FYN: variants seen among roughly 807,000 people sequenced by gnomAD.
FYN encodes the protein tyrosine-protein kinase Fyn.
Under a neutral mutation model 70.2 loss-of-function variants are expected in FYN, and 10 were observed. The observed-to-expected ratio is 0.14, with a 90% CI of 0.09 to 0.24. FYN has a LOEUF of 0.24. Among genes scored for constraint, FYN ranks in the 10% least tolerant of loss-of-function variants. The pLI, the probability that FYN is intolerant of heterozygous loss-of-function variation, is 1.00. For synonymous variants in FYN, 236 were observed against 248.6 expected, an observed-to-expected ratio of 0.95 and a Z score of 0.48; for missense variants, 319 against 673.1, an observed-to-expected ratio of 0.47 and a Z score of 5.82.
intron 12 of FYN, among the ~76,000 whole-genome samples, chr6:111,675,353 A>C (rs1451017002): frequency 1.3e-5 from 2 of 152,172 alleles, no homozygotes; most frequent in East Asian, 3.8e-4. Flanking sequence ...CTGACTTTTC[A>C]AGACCAAGGT....
chr6:111,686,678 T>C lies in FYN; in HGVS notation c.1273+7697A>G, dbSNP rs113876737. On this transcript the variant is annotated intron_variant, in intron 12 of 13. Coordinates refer to ENST00000354650, the MANE Select transcript of FYN (RefSeq NM_002037.5). Reference sequence around the variant, plus strand: ...TTTTTCTTCCTTTTCTCTCTCCTGATATTTGCTGTTCAGGTCACAGCACAC... The same window carrying C: ...TTTTTCTTCCTTTTCTCTCTCCTGACATTTGCTGTTCAGGTCACAGCACAC... 2.6e-5 allele frequency among the ~76,000 whole-genome samples: 4 copies of C among 152,358 alleles called. 1 individual carries two copies. Among genetic ancestry groups the C allele is most frequent in the African/African-American group, 9.6e-5 (4 of 41,584 alleles).
At chr6:111,846,917 T>A (rs908898759) in intron 1 of FYN, among the ~76,000 whole-genome samples, 2 of 151,520 alleles carry the variant, frequency 1.3e-5, no homozygotes, top group Admixed American at 6.6e-5. Flanking sequence ...CACACACACA[T>A]ACACACACAC....
chr6:111,662,097 C>T (rs887246156), intron 13 of FYN, 150 bp from the exon 14 acceptor site: 1 of 613,980 alleles, frequency 1.6e-6, no homozygotes, highest in African/African-American at 1.8e-5. Context: ...CCCTGCCATG[C>T]TACTCAGGAG....
chr6:111,793,861 G>A (rs1430748391), intron 2 of FYN: 1 of 152,256 alleles, frequency 6.6e-6, no homozygotes, highest in East Asian at 1.9e-4. Flanking sequence ...TCACACTCTG[G>A]CTTTCTCAGA....
At chr6:111,724,480 A>C (rs116204846) in intron 3 of FYN, among the ~76,000 whole-genome samples, 7,977 of 152,276 alleles carry the variant, frequency 0.052, 617 homozygotes, top group African/African-American at 0.17. Context: ...GTCATGTGCC[A>C]ATCAATAAAG....
intron 2 of FYN, among the ~76,000 whole-genome samples, chr6:111,784,739 A>G (rs1771300868): frequency 6.6e-6 from 1 of 152,180 alleles, no homozygotes; most frequent in South Asian, 2.1e-4. Context: ...AGGCTCTCCA[A>G]ATCTGTTTCT....
At chr6:111,782,912 A>C (rs1771228896) in intron 2 of FYN, among the ~76,000 whole-genome samples, 2 of 152,204 alleles carry the variant, frequency 1.3e-5, no homozygotes, top group African/African-American at 2.4e-5. Context: ...TAGACTGAGC[A>C]GTGAAATTCC....
chr6:111,847,701 G>A (rs1353074935), intron 1 of FYN, among the ~76,000 whole-genome samples: 1 of 152,140 alleles, frequency 6.6e-6, no homozygotes, highest in African/African-American at 2.4e-5. Context: ...TGTTTGGAAA[G>A]ATGTATAATT....
At chr6:111,711,970 C>A (rs1320340138) in intron 5 of FYN, among the ~76,000 whole-genome samples, 1 of 152,126 alleles carries the variant, frequency 6.6e-6, no homozygotes, top group Non-Finnish European at 1.5e-5. Context: ...TTTTCCTCTA[C>A]AAGAACAGGG....
chr6:111,784,203 T>C (rs1771281095), intron 2 of FYN, among the ~76,000 whole-genome samples: 3 of 152,136 alleles, frequency 2.0e-5, no homozygotes, highest in Non-Finnish European at 4.4e-5. Context: ...AAGCAGAGTG[T>C]AGGTTACTGC....
intron 1 of FYN, among the ~76,000 whole-genome samples, chr6:111,850,485 T>A (rs1471632502): frequency 6.6e-6 from 1 of 152,234 alleles, no homozygotes; most frequent in African/African-American, 2.4e-5. Flanking sequence ...CGTGGAGTGA[T>A]GTCAGTGGTG....
At chr6:111,801,646 T>C (rs1248713792) in intron 2 of FYN, among the ~76,000 whole-genome samples, 1 of 152,182 alleles carries the variant, frequency 6.6e-6, no homozygotes, top group East Asian at 1.9e-4. Context: ...CAGATCCTAC[T>C]AGAAAAACAT....
At chr6:111,812,912 T>C (rs1772372235) in intron 2 of FYN, among the ~76,000 whole-genome samples, 1 of 152,182 alleles carries the variant, frequency 6.6e-6, no homozygotes, top group African/African-American at 2.4e-5. Flanking sequence ...GAAAGAGTCA[T>C]GCCCTCTGTG....
chr6:111,839,118 C>G (rs1378215514), intron 2 of FYN, among the ~76,000 whole-genome samples: 1 of 152,156 alleles, frequency 6.6e-6, no homozygotes, highest in Non-Finnish European at 1.5e-5. Context: ...ACGACATGCC[C>G]AGCCATACAT....
chr6:111,816,636 G>GT (rs1380844124), intron 2 of FYN, among the ~76,000 whole-genome samples: 1 of 152,074 alleles, frequency 6.6e-6, no homozygotes, highest in Non-Finnish European at 1.5e-5. Flanking sequence ...CATTTTTCAC[G>GT]TATCAAGTTT....
intron 3 of FYN, among the ~76,000 whole-genome samples, chr6:111,773,621 G>GGTGA (rs1803582074): frequency 1.4e-5 from 1 of 72,726 alleles, no homozygotes; most frequent in Non-Finnish European, 2.7e-5. Context: ...AGGGAGAGAG[G>GGTGA]GGGAAAGGAG....
chr6:111,731,015 T>A (rs547532006), intron 3 of FYN, among the ~76,000 whole-genome samples: 25 of 152,234 alleles, frequency 1.6e-4, no homozygotes, highest in South Asian at 4.1e-4. Context: ...GGTCAGGGTG[T>A]CACCTGGCAG....
At chr6:111,701,869 A>T (rs1405819016) in intron 8 of FYN, among the ~76,000 whole-genome samples, 1 of 152,236 alleles carries the variant, frequency 6.6e-6, no homozygotes, top group Non-Finnish European at 1.5e-5. Context: ...AAGTGCTGTT[A>T]ATATTTTCTA....
chr6:111,791,033 C>A (rs543305425), intron 2 of FYN, among the ~76,000 whole-genome samples: 4 of 151,722 alleles, frequency 2.6e-5, no homozygotes, highest in Non-Finnish European at 5.9e-5. Context: ...TAAACTAGGT[C>A]TTTTTTTTCT....
Sources: allele counts gnomAD v4.1 joint callset (sites outside exome capture counted in the v4.1 genomes callset), GRCh38; gene constraint gnomAD v4.1.1; transcripts MANE v1.5; gene names NCBI Gene and HGNC (gene_info 2026-07-23, HGNC 2026-07-21).